WDR44: variants seen among roughly 807,000 people sequenced by gnomAD.
WDR44 encodes WD repeat-containing protein 44.
Under a neutral mutation model 65.7 loss-of-function variants are expected in WDR44, and 9 were observed. The ratio of observed to expected loss-of-function variants is 0.14; its 90% CI spans 0.08 to 0.24. WDR44 has a LOEUF of 0.24. WDR44 is among the 10% of genes least tolerant of loss of function. The probability of loss-of-function intolerance (pLI) is 1.00; values close to 1 mark genes in which losing one functional copy is unlikely to be tolerated. For missense variants in WDR44, 425 were observed against 670.9 expected, an observed-to-expected ratio of 0.63 and a Z score of 4.05; for synonymous variants, 220 against 235.2, an observed-to-expected ratio of 0.94 and a Z score of 0.59.
rs182595328 is a variant in WDR44, at chrX:118,406,837, C to T, written c.1382-38C>T. 39 of 1,127,483 alleles carry T rather than the reference C, an allele frequency of 3.5e-5. No homozygotes were observed. In the East Asian group the frequency reaches 1.0e-3, roughly 29 times the overall value. The allele number at this position is 1,127,483 out of a possible 1,213,427, so 92.9% of individuals were successfully genotyped here. On this transcript the variant is annotated intron_variant, in intron 9 of 19. Coordinates refer to ENST00000254029, the MANE Select transcript of WDR44 (RefSeq NM_019045.5). ...GAAATTATGATAATAGCAATATCTA[C>T]ATTAGCTAGTAGTGATTTCTGTTGC... is the stretch of plus-strand genomic sequence containing the variant.
At chrX:118,442,715 A>G in intron 17 of WDR44, 35 bp downstream of exon 17, 1 of 1,085,666 alleles carries the variant, frequency 9.2e-7, no homozygotes, top group Non-Finnish European at 1.3e-6. Context: ...AAAAGAGATC[A>G]GGACATTTCT....
intron 12 of WDR44, among the ~76,000 whole-genome samples, chrX:118,420,722 C>T (rs999233131): frequency 8.0e-5 from 9 of 112,629 alleles, no homozygotes; most frequent in Non-Finnish European, 1.5e-4. Context: ...TTTCATGTCT[C>T]TGTCCCTGCT....
rs374600034 is a variant in WDR44, at chrX:118,395,954, G to A, written c.1053+610G>A. On this transcript the variant is annotated intron_variant, in intron 6 of 19. Transcript: ENST00000254029. ...GGAGAATCACTTGAACCTGGGAGGCGGAGGTTGCAGTGAGCCGAGATCACA... is the reference window on the plus strand; with the variant it reads ...GGAGAATCACTTGAACCTGGGAGGCAGAGGTTGCAGTGAGCCGAGATCACA... Among the ~76,000 whole-genome samples the A allele has an allele frequency of 5.5e-4, 60 of 108,892 alleles. No individual in the cohort carries two copies. The South Asian group carries it at 0.022, about 39-fold the overall frequency. The allele number at this position is 108,892 out of a possible 115,157, so 94.6% of individuals were successfully genotyped here. A position where few individuals can be genotyped will look rare whatever the true frequency, so the allele number is the denominator to read the frequency against.
intron 1 of WDR44, among the ~76,000 whole-genome samples, chrX:118,354,223 C>T: frequency 9.0e-6 from 1 of 110,628 alleles, no homozygotes; most frequent in Non-Finnish European, 1.9e-5. Context: ...TGAGACCAGC[C>T]TGGGCAATGT....
intron 12 of WDR44, among the ~76,000 whole-genome samples, chrX:118,424,761 A>G (rs1238980628): frequency 9.0e-6 from 1 of 111,185 alleles, no homozygotes; most frequent in Non-Finnish European, 1.9e-5. Flanking sequence ...GTGGTGTCAT[A>G]TCCAAGAAAT....
chrX:118,350,752 C>T (rs757143560), intron 1 of WDR44, among the ~76,000 whole-genome samples: 5 of 111,974 alleles, frequency 4.5e-5, no homozygotes, highest in Non-Finnish European at 9.4e-5. Flanking sequence ...GTAACATTTT[C>T]AGCACTCTTT....
chrX:118,393,982 C>G (rs10127330), intron 4 of WDR44, 73 bp from the exon 5 acceptor site: 217,647 of 1,005,558 alleles, frequency 0.22, 18,900 homozygotes, highest in African/African-American at 0.39. Context: ...AATCAAGCCA[C>G]TTTCCTCACA....
intron 1 of WDR44, among the ~76,000 whole-genome samples, chrX:118,374,756 C>T (rs1241792001): frequency 1.8e-5 from 2 of 111,495 alleles, no homozygotes; most frequent in Non-Finnish European, 3.8e-5. Flanking sequence ...AAACTTGGAG[C>T]ATTTCAGAGC....
At chrX:118,377,436 A>G (rs7066323) in intron 1 of WDR44, among the ~76,000 whole-genome samples, 14,765 of 111,197 alleles carry the variant, frequency 0.13, 1,104 homozygotes, top group African/African-American at 0.28. Flanking sequence ...TCTAATACAT[A>G]TGAAAATTTT....
rs1255267516 is a variant in WDR44, at chrX:118,443,609, A to G, written c.2434A>G (p.Ile812Val). Residue 812 changes from isoleucine (I) to valine (V), a missense_variant, in exon 18 of 20, where the codon ATC becomes GTC. By Grantham distance (29) the Ile-to-Val change is conservative. Coordinates refer to ENST00000254029, the MANE Select transcript of WDR44 (RefSeq NM_019045.5). ...VSGSEDKYVY[I>V]WSTYHDLSKF... The stretch of plus-strand genomic sequence containing the variant: ...TGGTTCAGAAGATAAGTATGTTTAT[A>G]TCTGGAGTACCTACCATGACCTAAG... 8 of 1,208,976 alleles carry G rather than the reference A, an allele frequency of 6.6e-6. No homozygotes were observed. Among genetic ancestry groups the G allele is most frequent in the Admixed American group, 4.4e-5 (2 of 45,731 alleles).
intron 19 of WDR44, chrX:118,447,142 G>A (rs962420967): frequency 6.7e-6 from 2 of 300,461 alleles, no homozygotes; most frequent in Non-Finnish European, 1.3e-5. Flanking sequence ...CAAAGTACTG[G>A]GATTACAGGC....
At chrX:118,365,258 G>C (rs2056543291) in intron 1 of WDR44, among the ~76,000 whole-genome samples, 1 of 111,963 alleles carries the variant, frequency 8.9e-6, no homozygotes, top group African/African-American at 3.2e-5. Flanking sequence ...ATGATTTGCT[G>C]TTAAGCCATG....
At chrX:118,404,049 C>T (rs2056942486) in intron 8 of WDR44, among the ~76,000 whole-genome samples, 1 of 111,914 alleles carries the variant, frequency 8.9e-6, no homozygotes, top group South Asian at 3.6e-4. Context: ...TAAACACTCC[C>T]CTCTCCACAC....
At chrX:118,419,764 G>GT (rs915143938) in intron 12 of WDR44, among the ~76,000 whole-genome samples, 14 of 111,763 alleles carry the variant, frequency 1.3e-4, no homozygotes, top group African/African-American at 3.9e-4. Context: ...GTTAGACCAT[G>GT]TTTTTTTACC....
At chrX:118,385,005 G>A (rs1295358900) in intron 2 of WDR44, among the ~76,000 whole-genome samples, 8 of 111,200 alleles carry the variant, frequency 7.2e-5, no homozygotes, top group African/African-American at 2.0e-4. Flanking sequence ...AGTGATTTTT[G>A]CACATTTATT....
intron 11 of WDR44, 61 bp from the exon 12 acceptor site, chrX:118,410,834 A>G (rs767313941): frequency 6.5e-6 from 6 of 923,809 alleles, no homozygotes; most frequent in Admixed American, 2.7e-5. Flanking sequence ...TGGATGTTAT[A>G]TTTTGGTGGG....
In WDR44 at chrX:118,369,257, C is replaced by T. The variant is rs201928088; in HGVS notation, c.78-9162C>T. 5.7e-3 allele frequency among the ~76,000 whole-genome samples: 619 copies of T among 108,787 alleles called. 2 individuals are homozygous for T. Among genetic ancestry groups the T allele is most frequent in the Admixed American group, 0.011 (110 of 10,165 alleles). The allele number at this position is 108,787 out of a possible 115,157, so 94.5% of individuals were successfully genotyped here. On this transcript the variant is annotated intron_variant, in intron 1 of 19. Transcript: ENST00000254029. The stretch of plus-strand genomic sequence containing the variant: ...CCCTATCTCGGCTCACTGCAAGCTC[C>T]GCCTCCCGGGTTCACGCCATTCTCC...
At chrX:118,378,969 A>G (rs7054209) in intron 2 of WDR44, among the ~76,000 whole-genome samples, 11,465 of 108,563 alleles carry the variant, frequency 0.11, 596 homozygotes, top group African/African-American at 0.19. Flanking sequence ...GCTTGAACCC[A>G]GGAAATGGAG....
intron 8 of WDR44, among the ~76,000 whole-genome samples, chrX:118,403,209 A>G (rs183763523): frequency 2.3e-4 from 26 of 112,131 alleles, no homozygotes; most frequent in Admixed American, 2.1e-3. Context: ...TTTTTGGACC[A>G]TGGTTGACTG....
Sources: gnomAD v4.1 joint callset for allele counts (sites outside exome capture counted in the v4.1 genomes callset) on GRCh38, gnomAD v4.1.1 for gene constraint, MANE v1.5 for transcripts, NCBI Gene and HGNC (gene_info 2026-07-23, HGNC 2026-07-21) for gene names.